Variants in SLIT3 observed in about 807,000 individuals in gnomAD.
The protein encoded by SLIT3 is slit homolog 3 protein.
In SLIT3, 68 loss-of-function variants were observed where a neutral mutation model predicts 184.0. That is an observed-to-expected ratio of 0.37 (90% CI 0.30 to 0.45). SLIT3 has a LOEUF of 0.45. SLIT3 is among the 20% of genes least tolerant of loss of function. The pLI is 1.00. For missense variants in SLIT3, 1,707 were observed against 2,026.0 expected, an observed-to-expected ratio of 0.84 and a Z score of 3.02; for synonymous variants, 831 against 828.6, an observed-to-expected ratio of 1.00 and a Z score of -0.05.
chr5:169,062,162 C>T (rs184535904), intron 4 of SLIT3, among the ~76,000 whole-genome samples: 7 of 151,956 alleles, frequency 4.6e-5, no homozygotes, highest in Non-Finnish European at 8.8e-5. Flanking sequence ...CCAGCCTGGG[C>T]GACAGAGCGA....
intron 25 of SLIT3, among the ~76,000 whole-genome samples, chr5:168,709,032 G>C (rs1260302659): frequency 2.0e-5 from 3 of 152,028 alleles, no homozygotes; most frequent in Admixed American, 2.0e-4. Context: ...CTAAAACCAA[G>C]AATGGCCCAG....
At chr5:169,019,798 C>G (rs1581312916) in intron 4 of SLIT3, among the ~76,000 whole-genome samples, 1 of 152,228 alleles carries the variant, frequency 6.6e-6, no homozygotes, top group East Asian at 1.9e-4. Context: ...GAAAACATTT[C>G]TCTTTTATAA....
chr5:168,847,470 C>T (rs925124501), intron 5 of SLIT3, among the ~76,000 whole-genome samples: 3 of 152,194 alleles, frequency 2.0e-5, no homozygotes, highest in Non-Finnish European at 4.4e-5. Flanking sequence ...AAAACCACAG[C>T]GGTTACTCCA....
At chr5:168,764,595 C>T (rs957406083) in intron 14 of SLIT3, among the ~76,000 whole-genome samples, 2 of 152,176 alleles carry the variant, frequency 1.3e-5, no homozygotes, top group African/African-American at 4.8e-5. Flanking sequence ...TTTTGCATGC[C>T]TTCTGTGATT....
At chr5:168,805,313 G>A (rs751693441) in intron 9 of SLIT3, among the ~76,000 whole-genome samples, 2 of 152,088 alleles carry the variant, frequency 1.3e-5, no homozygotes, top group African/African-American at 2.4e-5. Flanking sequence ...ACAGGGAAGG[G>A]GAGGAGGGGG....
intron 4 of SLIT3, among the ~76,000 whole-genome samples, chr5:168,994,548 T>A (rs1301026042): frequency 6.6e-6 from 1 of 150,976 alleles, no homozygotes; most frequent in Non-Finnish European, 1.5e-5. Context: ...AGCTTTGCCA[T>A]TCGCTGGTCA....
chr5:168,780,412 G>A (rs1266892731), intron 12 of SLIT3, among the ~76,000 whole-genome samples: 1 of 152,270 alleles, frequency 6.6e-6, no homozygotes, highest in African/African-American at 2.4e-5. Context: ...AACAGGGATG[G>A]GGAGTCTGTT....
At chr5:169,089,104 T>G (rs927000172) in intron 4 of SLIT3, among the ~76,000 whole-genome samples, 1 of 146,244 alleles carries the variant, frequency 6.8e-6, no homozygotes, top group African/African-American at 2.5e-5. Context: ...AATCTGTGTT[T>G]CATACCGATG....
intron 4 of SLIT3, among the ~76,000 whole-genome samples, chr5:169,102,884 A>G (rs1191905797): frequency 1.3e-5 from 2 of 152,220 alleles, no homozygotes; most frequent in Non-Finnish European, 2.9e-5. Flanking sequence ...AGCTGAGTTG[A>G]GCTGACATAC....
At chr5:168,933,832 A>G (rs1433930579) in intron 4 of SLIT3, among the ~76,000 whole-genome samples, 1 of 152,246 alleles carries the variant, frequency 6.6e-6, no homozygotes, top group Non-Finnish European at 1.5e-5. Flanking sequence ...GATCTTCAGC[A>G]CAAGAGTGAT....
chr5:168,724,352 T>C (rs748754097), intron 21 of SLIT3, 64 bp downstream of exon 21: 2 of 1,364,408 alleles, frequency 1.5e-6, no homozygotes, highest in African/African-American at 1.4e-5. Context: ...TACCATCCAC[T>C]TCAGTTTCCT....
At chr5:168,884,731 A>G (rs1333243691) in intron 4 of SLIT3, among the ~76,000 whole-genome samples, 1 of 151,738 alleles carries the variant, frequency 6.6e-6, no homozygotes, top group African/African-American at 2.4e-5. Flanking sequence ...ATGAGTGGCT[A>G]TATGGGTCCC....
At chr5:169,030,448 G>A (rs1207282961) in intron 4 of SLIT3, 1 of 152,192 alleles carries the variant, frequency 6.6e-6, no homozygotes, top group Non-Finnish European at 1.5e-5. Flanking sequence ...CTAGTAAATG[G>A]ATGACAAGGT....
intron 4 of SLIT3, among the ~76,000 whole-genome samples, chr5:169,031,566 A>G (rs1757026739): frequency 6.6e-6 from 1 of 152,202 alleles, no homozygotes; most frequent in African/African-American, 2.4e-5. Context: ...GGGAGGGCAC[A>G]CCTGCTGCAT....
Position 168,708,555 on chromosome 5 carries a change from G to A in SLIT3, c.2720-455C>T, listed in dbSNP as rs534594104. The stretch of plus-strand genomic sequence containing the variant: ...ACAGTGCTTGGGCCAAAGGCACACA[G>A]AGGAAGTCCCCCCTGGAAAACCTTG... On this transcript the variant is annotated intron_variant, in intron 25 of 35. Coordinates refer to ENST00000519560, the MANE Select transcript of SLIT3 (RefSeq NM_003062.4). 2.2e-5 allele frequency: 4 copies of A among 180,726 alleles called. No homozygotes were observed. The South Asian group carries it at 5.0e-4, about 23-fold the overall frequency. The allele number at this position is 180,726 out of a possible 1,614,324, so 11.2% of individuals were successfully genotyped here.
In SLIT3 at chr5:168,727,554, G is replaced by A. The variant is rs78046673; in HGVS notation, c.2271-3070C>T. Among the ~76,000 whole-genome samples the A allele has an allele frequency of 8.6e-3, 1,316 of 152,270 alleles. 34 individuals carry two copies. The highest frequency in any genetic ancestry group is 0.044 in the East Asian group (227 of 5,162). ...GACAGTGGGAGACAGGGTAGATCAC[G>A]CTGAGGCCTTGGAGATTATTTTATT... On this transcript the variant is annotated intron_variant, in intron 20 of 35. Transcript: ENST00000519560.
intron 5 of SLIT3, among the ~76,000 whole-genome samples, chr5:168,867,283 G>A (rs1452695779): frequency 6.6e-6 from 1 of 152,182 alleles, no homozygotes; most frequent in Non-Finnish European, 1.5e-5. Flanking sequence ...AGTAGGCCGG[G>A]GAAGGGAACT....
intron 1 of SLIT3, among the ~76,000 whole-genome samples, chr5:169,291,475 A>G (rs572158223): frequency 1.1e-3 from 173 of 152,288 alleles, no homozygotes; most frequent in African/African-American, 4.1e-3. Flanking sequence ...CATCATTTTA[A>G]GTTGGGCTCA....
chr5:169,047,275 C>T (rs530252130), intron 4 of SLIT3, among the ~76,000 whole-genome samples: 55 of 152,238 alleles, frequency 3.6e-4, no homozygotes, highest in African/African-American at 1.1e-3. Flanking sequence ...TCTACCCTAC[C>T]GCTTCAGCTA....
Sources: allele counts gnomAD v4.1 joint callset (sites outside exome capture counted in the v4.1 genomes callset), GRCh38; gene constraint gnomAD v4.1.1; transcripts MANE v1.5; gene names NCBI Gene and HGNC (gene_info 2026-07-23, HGNC 2026-07-21).